Variants in HS6ST3 observed in about 807,000 individuals in gnomAD.
The protein encoded by HS6ST3 is heparan-sulfate 6-O-sulfotransferase 3.
In HS6ST3, 12 loss-of-function variants were observed where a neutral mutation model predicts 36.7. The observed-to-expected ratio is 0.33, with a 90% CI of 0.21 to 0.53. The LOEUF (loss-of-function observed/expected upper bound fraction) is 0.53, where lower values mean the gene tolerates loss of function less well. Ranked by LOEUF, HS6ST3 falls within the 20% of genes least tolerant of loss-of-function variation. The pLI, the probability that HS6ST3 is intolerant of heterozygous loss-of-function variation, is 0.95. For missense variants in HS6ST3, 584 were observed against 640.9 expected (o/e 0.91, Z 0.96); for synonymous variants, 240 against 257.5 (o/e 0.93, Z 0.65).
At chr13:96,122,718 A>G (rs967066088) in intron 1 of HS6ST3, among the ~76,000 whole-genome samples, 6 of 152,182 alleles carry the variant, frequency 3.9e-5, no homozygotes, top group African/African-American at 7.2e-5. Context: ...CAATGTTCAT[A>G]TATCTGTCTC....
At chr13:96,574,721 G>A (rs1036513163) in intron 1 of HS6ST3, among the ~76,000 whole-genome samples, 4 of 152,164 alleles carry the variant, frequency 2.6e-5, no homozygotes, top group Non-Finnish European at 4.4e-5. Context: ...CCTTCCCTTA[G>A]TATGAGGTTC....
chr13:96,333,856 A>G (rs2055085618), intron 1 of HS6ST3, among the ~76,000 whole-genome samples: 1 of 152,162 alleles, frequency 6.6e-6, no homozygotes, highest in Non-Finnish European at 1.5e-5. Context: ...GAGTTGCATC[A>G]AGGGACAGGG....
In HS6ST3 at chr13:96,658,268, C is replaced by CTTTTTTTTTTTTTTTTTTT. The variant is rs71213623; in HGVS notation, c.708-174210_708-174192dup. 1.4e-3 allele frequency among the ~76,000 whole-genome samples: 106 copies of CTTTTTTTTTTTTTTTTTTT among 76,132 alleles called. 10 individuals carry two copies. Among genetic ancestry groups the CTTTTTTTTTTTTTTTTTTT allele is most frequent in the African/African-American group, 3.1e-3 (57 of 18,502 alleles). 49.9% of individuals were successfully genotyped at this position (76,132 alleles called of 152,430 possible). On this transcript the variant is annotated intron_variant, in intron 1 of 1. Coordinates refer to ENST00000376705, the MANE Select transcript of HS6ST3 (RefSeq NM_153456.4). The stretch of plus-strand genomic sequence containing the variant: ...TTCTTCTTCTTCTTCTCTTCTTCTT[C>CTTTTTTTTTTTTTTTTTTT]TTTTTTTTTTTTTTTTTTTTTTTTT...
At chr13:96,734,135 C>T (rs974557659) in intron 1 of HS6ST3, among the ~76,000 whole-genome samples, 1 of 152,170 alleles carries the variant, frequency 6.6e-6, no homozygotes. Flanking sequence ...TTCACTCAGA[C>T]CCCAAGCTCC....
intron 1 of HS6ST3, among the ~76,000 whole-genome samples, chr13:96,785,172 A>C (rs1018155027): frequency 1.3e-5 from 2 of 152,118 alleles, no homozygotes; most frequent in African/African-American, 2.4e-5. Flanking sequence ...CTGTCTAAAA[A>C]AAAAAAAGTT....
chr13:96,830,852 C>T (rs1393680981), intron 1 of HS6ST3, among the ~76,000 whole-genome samples: 1 of 152,222 alleles, frequency 6.6e-6, no homozygotes, highest in Non-Finnish European at 1.5e-5. Context: ...CCCCCCTCAA[C>T]GAGCCAAGGA....
chr13:96,411,861 A>G (rs982523519), intron 1 of HS6ST3, among the ~76,000 whole-genome samples: 1 of 152,190 alleles, frequency 6.6e-6, no homozygotes, highest in Non-Finnish European at 1.5e-5. Context: ...AGTGATAGGA[A>G]GAAATCTATA....
intron 1 of HS6ST3, among the ~76,000 whole-genome samples, chr13:96,612,753 C>G (rs1359441630): frequency 6.6e-6 from 1 of 152,154 alleles, no homozygotes. Flanking sequence ...CCCTTCCATT[C>G]TAAATTCTCC....
intron 1 of HS6ST3, among the ~76,000 whole-genome samples, chr13:96,163,027 C>A (rs2054143245): frequency 6.6e-6 from 1 of 151,866 alleles, no homozygotes; most frequent in African/African-American, 2.4e-5. Context: ...TATTTTAGGA[C>A]CTGACTCCAA....
intron 1 of HS6ST3, among the ~76,000 whole-genome samples, chr13:96,578,818 C>G (rs1230944686): frequency 6.6e-6 from 1 of 152,132 alleles, no homozygotes; most frequent in Non-Finnish European, 1.5e-5. Context: ...CGGGCCCGGC[C>G]AGTAGCCACT....
At chr13:96,774,483 A>G (rs1877342358) in intron 1 of HS6ST3, among the ~76,000 whole-genome samples, 1 of 152,184 alleles carries the variant, frequency 6.6e-6, no homozygotes, top group Non-Finnish European at 1.5e-5. Flanking sequence ...AGAGAAGAAC[A>G]TAAATGACTT....
chr13:96,150,301 G>A (rs2054078726), intron 1 of HS6ST3, among the ~76,000 whole-genome samples: 1 of 152,064 alleles, frequency 6.6e-6, no homozygotes. Flanking sequence ...AGCACAATTC[G>A]ATTGGTTAAG....
chr13:96,541,237 A>G (rs2056176400), intron 1 of HS6ST3, among the ~76,000 whole-genome samples: 1 of 151,914 alleles, frequency 6.6e-6, no homozygotes, highest in African/African-American at 2.4e-5. Flanking sequence ...GGGTTTCACC[A>G]TGTTGGCCAG....
At chr13:96,620,107 T>G (rs370955210) in intron 1 of HS6ST3, among the ~76,000 whole-genome samples, 36 of 152,332 alleles carry the variant, frequency 2.4e-4, no homozygotes, top group African/African-American at 7.9e-4. Flanking sequence ...TATCTATCCA[T>G]TGGGGATGGG....
At chr13:96,347,437 T>C (rs2055161220) in intron 1 of HS6ST3, among the ~76,000 whole-genome samples, 1 of 152,228 alleles carries the variant, frequency 6.6e-6, no homozygotes, top group Non-Finnish European at 1.5e-5. Context: ...CAGTCATTGT[T>C]CAGAAAATTG....
intron 1 of HS6ST3, among the ~76,000 whole-genome samples, chr13:96,804,758 C>T (rs899540460): frequency 2.0e-5 from 3 of 151,992 alleles, no homozygotes; most frequent in Admixed American, 6.6e-5. Flanking sequence ...GACTCTTTGA[C>T]GGGACTGCGT....
At chr13:96,592,396 A>G (rs1240164928) in intron 1 of HS6ST3, among the ~76,000 whole-genome samples, 1 of 152,024 alleles carries the variant, frequency 6.6e-6, no homozygotes. Context: ...TGTTGTAGTT[A>G]TTTTTGATTG....
chr13:96,152,924 T>G (rs535127467), intron 1 of HS6ST3, among the ~76,000 whole-genome samples: 4 of 152,298 alleles, frequency 2.6e-5, no homozygotes, highest in African/African-American at 7.2e-5. Context: ...TGCTGTACAC[T>G]TTTCTATATC....
At chr13:96,237,074 G>A (rs2054538136) in intron 1 of HS6ST3, among the ~76,000 whole-genome samples, 1 of 152,160 alleles carries the variant, frequency 6.6e-6, no homozygotes, top group Non-Finnish European at 1.5e-5. Flanking sequence ...CAGATCTCAT[G>A]AGAAGTTGCT....
Sources: allele counts gnomAD v4.1 joint callset (sites outside exome capture counted in the v4.1 genomes callset), GRCh38; gene constraint gnomAD v4.1.1; transcripts MANE v1.5; gene names NCBI Gene and HGNC (gene_info 2026-07-23, HGNC 2026-07-21).